DST: variants seen among roughly 807,000 people sequenced by gnomAD.
DST encodes dystonin.
A neutral mutation model predicts 875.2 loss-of-function variants in DST; 253 were observed. The observed-to-expected ratio is 0.29, with a 90% CI of 0.26 to 0.32. The LOEUF is 0.32. Among genes scored for constraint, DST ranks in the 10% least tolerant of loss-of-function variants. DST has a pLI of 1.00. For synonymous variants in DST, 3,124 were observed against 3,197.1 expected (o/e 0.98, Z 0.77); for missense variants, 8,287 against 9,111.6 (o/e 0.91, Z 3.68).
chr6:56,891,561 G>A (rs557942120), intron 3 of DST, among the ~76,000 whole-genome samples: 41 of 108,726 alleles, frequency 3.8e-4, no homozygotes, highest in East Asian at 2.1e-3. Flanking sequence ...GTGAGACTCC[G>A]TCTCAAAAAA....
At chr6:56,465,842 G>A (rs796085552) in intron 99 of DST, among the ~76,000 whole-genome samples, 17 of 136,632 alleles carry the variant, frequency 1.2e-4, no homozygotes, top group South Asian at 4.6e-4. Context: ...AGTATTTCCC[G>A]CCCACCATAT....
At chr6:56,786,682 G>A (rs780491889) in intron 4 of DST, among the ~76,000 whole-genome samples, 7 of 152,044 alleles carry the variant, frequency 4.6e-5, no homozygotes, top group Non-Finnish European at 1.0e-4. Flanking sequence ...ATAGGCACCC[G>A]CCACCACACC....
chr6:56,544,955 TAATAA>T (rs1460199266), intron 61 of DST, among the ~76,000 whole-genome samples: 5 of 152,186 alleles, frequency 3.3e-5, no homozygotes, highest in Non-Finnish European at 5.9e-5. Flanking sequence ...CCTCTAATGT[TAATAA>T]AATCAAGATA....
At chr6:56,867,247 A>G (rs1774602349) in intron 3 of DST, among the ~76,000 whole-genome samples, 1 of 152,214 alleles carries the variant, frequency 6.6e-6, no homozygotes, top group African/African-American at 2.4e-5. Context: ...TTATTTATAA[A>G]GAATATCTAC....
intron 54 of DST, among the ~76,000 whole-genome samples, chr6:56,568,949 T>C (rs2152591827): frequency 6.6e-6 from 1 of 152,266 alleles, no homozygotes; most frequent in Non-Finnish European, 1.5e-5. Flanking sequence ...TAAAAGGTAC[T>C]AGGAACAATA....
chr6:56,878,511 A>G (rs1036823713), intron 3 of DST, among the ~76,000 whole-genome samples: 15 of 152,208 alleles, frequency 9.9e-5, no homozygotes, highest in Non-Finnish European at 1.5e-5. Context: ...GATCCTATCC[A>G]AGAGGAATTT....
intron 94 of DST, chr6:56,471,841 A>T: frequency 1.7e-6 from 1 of 578,516 alleles, no homozygotes; most frequent in Admixed American, 3.0e-5. Context: ...CATTTTTTTT[A>T]CTTCATTGAT....
intron 2 of DST, among the ~76,000 whole-genome samples, chr6:56,929,629 T>C (rs1020684184): frequency 6.6e-6 from 1 of 152,212 alleles, no homozygotes; most frequent in Non-Finnish European, 1.5e-5. Context: ...TATACTTTTA[T>C]ATGCTTTGAT....
intron 4 of DST, among the ~76,000 whole-genome samples, chr6:56,753,310 G>C (rs527258548): frequency 7.9e-5 from 12 of 152,318 alleles, no homozygotes; most frequent in Middle Eastern, 3.4e-3. Flanking sequence ...ACAGAAAACA[G>C]TGAACAGAAC....
intron 2 of DST, among the ~76,000 whole-genome samples, chr6:56,917,925 T>A (rs1475074208): frequency 2.0e-5 from 3 of 152,186 alleles, no homozygotes; most frequent in African/African-American, 7.2e-5. Context: ...TTGCAACCCT[T>A]TTTTGAACCC....
intron 4 of DST, among the ~76,000 whole-genome samples, chr6:56,767,499 C>T (rs554011107): frequency 1.1e-4 from 17 of 152,100 alleles, no homozygotes; most frequent in Non-Finnish European, 2.2e-4. Context: ...CATCTGTAAT[C>T]CTAGCTACTC....
At chr6:56,525,337 C>T (rs1231607594) in intron 69 of DST, among the ~76,000 whole-genome samples, 1 of 152,142 alleles carries the variant, frequency 6.6e-6, no homozygotes, top group East Asian at 1.9e-4. Context: ...AACAGAGTCA[C>T]ACAAATACAT....
At position 56,605,767 on chromosome 6, in the gene DST, G is replaced by C; in HGVS notation, c.8861C>G (p.Thr2954Ser). The C allele has an allele frequency of 6.2e-7, 1 of 1,612,702 alleles. No individual in the cohort carries two copies. Among genetic ancestry groups the C allele is most frequent in the Non-Finnish European group, 8.5e-7 (1 of 1,179,288 alleles). Residue 2954 changes from threonine (T) to serine (S), a missense_variant, in exon 40 of 104, where the codon ACT becomes AGT. Around this residue, in one of 10 missense-constraint regions of DST, gnomAD observed 3,138 missense variants for 3,116.6 expected, o/e 1.01. Coordinates refer to ENST00000680361, the MANE Select transcript of DST (RefSeq NM_001374736.1). ...NNISSTSELG[T>S]DLANTKVKLI... is the part of the protein sequence containing the mutation. ...CTTAACCTTTGTGTTTGCTAGATCA[G>C]TACCTAATTCAGAAGTTGAACTGAT...
At chr6:56,482,518 G>C in intron 89 of DST, 165 bp downstream of exon 89, 1 of 645,930 alleles carries the variant, frequency 1.5e-6, no homozygotes, top group Non-Finnish European at 2.5e-6. Context: ...TTAAATTCAT[G>C]AGGGAGGGTG....
At position 56,497,339 on chromosome 6, in the gene DST, G is replaced by A. The variant is rs758735620; in HGVS notation, c.20223+40C>T. 3.8e-6 allele frequency: 6 copies of A among 1,599,504 alleles called. No individual in the cohort carries two copies. In the East Asian group the frequency reaches 1.3e-4, roughly 36 times the overall value. On this transcript the variant is annotated intron_variant, in intron 82 of 103. Coordinates refer to ENST00000680361, the MANE Select transcript of DST (RefSeq NM_001374736.1). ...AGGGCCCATATAACATGGTCAGTTT[G>A]TTATTCTGAGGCTAAAGCTGTAGGA...
chr6:56,924,240 C>T (rs188501620), intron 2 of DST, among the ~76,000 whole-genome samples: 14 of 152,258 alleles, frequency 9.2e-5, no homozygotes, highest in Admixed American at 8.5e-4. Context: ...TGCCAAAATT[C>T]ATGGTATAAA....
chr6:56,488,843 G>T (rs1202181436), intron 86 of DST, among the ~76,000 whole-genome samples: 1 of 151,888 alleles, frequency 6.6e-6, no homozygotes, highest in Non-Finnish European at 1.5e-5. Context: ...GAGCTGGGGA[G>T]GGTGGGAGGG....
intron 68 of DST, among the ~76,000 whole-genome samples, chr6:56,526,800 T>C (rs1160525914): frequency 6.6e-6 from 1 of 152,054 alleles, no homozygotes; most frequent in Non-Finnish European, 1.5e-5. Flanking sequence ...CACGGCAAGA[T>C]TTTATCTTTG....
intron 12 of DST, among the ~76,000 whole-genome samples, chr6:56,650,246 G>T (rs2098967184): frequency 7.0e-6 from 1 of 143,358 alleles, no homozygotes. Flanking sequence ...AAGTGAAGGG[G>T]ATCATCCCCA....
Sources: allele counts gnomAD v4.1 joint callset (sites outside exome capture counted in the v4.1 genomes callset), GRCh38; gene constraint gnomAD v4.1.1; regional missense constraint gnomAD v4.1.1; transcripts MANE v1.5; gene names NCBI Gene and HGNC (gene_info 2026-07-23, HGNC 2026-07-21).